The following TNFSF4 variants were observed in gnomAD, a reference collection of about 807,000 sequenced individuals.
The protein encoded by TNFSF4 is tumor necrosis factor ligand superfamily member 4.
Under a neutral mutation model 7.3 loss-of-function variants are expected in TNFSF4, and 4 were observed. That is an observed-to-expected ratio of 0.55 (90% CI 0.27 to 1.25). The LOEUF (loss-of-function observed/expected upper bound fraction) is 1.25, where lower values mean the gene tolerates loss of function less well. Ranked by LOEUF, TNFSF4 falls within the 50% of genes most tolerant of loss-of-function variation. The probability of loss-of-function intolerance (pLI) is 0.12; values close to 1 mark genes in which losing one functional copy is unlikely to be tolerated. For synonymous variants in TNFSF4, 76 were observed against 83.7 expected (o/e 0.91, Z 0.50); for missense variants, 181 against 208.8 (o/e 0.87, Z 0.82).
At chr1:173,327,982 C>G in the TNFSF4 span, among the ~76,000 whole-genome samples, 1 of 152,130 alleles carries the variant, frequency 6.6e-6, no homozygotes, top group East Asian at 1.9e-4. Context: ...AATACCATTT[C>G]ACCCAGCAAT....
the TNFSF4 span, among the ~76,000 whole-genome samples, chr1:173,290,096 T>C: frequency 6.6e-6 from 1 of 152,126 alleles, no homozygotes; most frequent in African/African-American, 2.4e-5. Flanking sequence ...TCAAATTACC[T>C]TAAAACGAAA....
At chr1:173,421,413 G>T in the TNFSF4 span, among the ~76,000 whole-genome samples, 1 of 152,082 alleles carries the variant, frequency 6.6e-6, no homozygotes, top group Non-Finnish European at 1.5e-5. Flanking sequence ...CTGGTAAGCA[G>T]CACTGTGGAG....
chr1:173,295,781 C>T, the TNFSF4 span, among the ~76,000 whole-genome samples: 1 of 151,874 alleles, frequency 6.6e-6, no homozygotes, highest in Non-Finnish European at 1.5e-5. Context: ...GGTCATTGTC[C>T]CCATAAACTT....
At chr1:173,378,661 A>T in the TNFSF4 span, among the ~76,000 whole-genome samples, 4 of 152,296 alleles carry the variant, frequency 2.6e-5, no homozygotes, top group African/African-American at 9.6e-5. Context: ...AAGCAAATGG[A>T]GTGAAATAGC....
chr1:173,318,323 G>A, the TNFSF4 span, among the ~76,000 whole-genome samples: 1 of 152,104 alleles, frequency 6.6e-6, no homozygotes, highest in African/African-American at 2.4e-5. Context: ...AATGCCTGTA[G>A]TAGAGACATA....
the TNFSF4 span, among the ~76,000 whole-genome samples, chr1:173,429,822 G>A: frequency 6.6e-6 from 1 of 152,246 alleles, no homozygotes; most frequent in Non-Finnish European, 1.5e-5. Flanking sequence ...GAGTGAGAAT[G>A]TAATTGCCAA....
the TNFSF4 span, among the ~76,000 whole-genome samples, chr1:173,178,010 T>G: frequency 6.6e-6 from 1 of 152,068 alleles, no homozygotes; most frequent in African/African-American, 2.4e-5. Flanking sequence ...ACCATTAATA[T>G]CATTAGTAAG....
chr1:173,281,725 A>G, the TNFSF4 span, among the ~76,000 whole-genome samples: 12 of 152,320 alleles, frequency 7.9e-5, no homozygotes, highest in Admixed American at 7.2e-4. Context: ...AGAAGGATGG[A>G]GTAATCAAAT....
chr1:173,274,952 T>G, the TNFSF4 span, among the ~76,000 whole-genome samples: 16 of 152,224 alleles, frequency 1.1e-4, no homozygotes, highest in African/African-American at 3.6e-4. Context: ...TAATTGCCTG[T>G]TCACATGCAG....
At chr1:173,188,093 G>A (rs868343132) in intron 2 of TNFSF4, among the ~76,000 whole-genome samples, 4 of 152,168 alleles carry the variant, frequency 2.6e-5, no homozygotes, top group East Asian at 1.9e-4. Context: ...CTCTGGAGTC[G>A]AAGTTTTTAT....
At chr1:173,433,702 C>CA in the TNFSF4 span, among the ~76,000 whole-genome samples, 19 of 150,272 alleles carry the variant, frequency 1.3e-4, no homozygotes, top group Non-Finnish European at 1.9e-4. Context: ...GACTTCGTCT[C>CA]AAAAAAAAAT....
At chr1:173,188,664 T>C in intron 1 of TNFSF4, 95 bp from the exon 2 acceptor site, 2 of 1,028,162 alleles carry the variant, frequency 1.9e-6, no homozygotes, top group South Asian at 1.4e-5. Flanking sequence ...AGAAATGCAG[T>C]AGCCTGTAGA....
chr1:173,371,488 T>C, the TNFSF4 span, among the ~76,000 whole-genome samples: 3 of 152,170 alleles, frequency 2.0e-5, no homozygotes, highest in African/African-American at 7.2e-5. Flanking sequence ...AATGCCTGCC[T>C]AGTCCAAATC....
chr1:173,325,085 C>T, the TNFSF4 span, among the ~76,000 whole-genome samples: 2 of 152,172 alleles, frequency 1.3e-5, no homozygotes, highest in African/African-American at 2.4e-5. Context: ...CACACCACAC[C>T]TATTCCAAAA....
At chr1:173,341,624 ATGT>A in the TNFSF4 span, among the ~76,000 whole-genome samples, 1 of 152,222 alleles carries the variant, frequency 6.6e-6, no homozygotes, top group Admixed American at 6.5e-5. Context: ...CTAGGCCTCA[ATGT>A]TGTCACTTGC....
chr1:173,239,030 T>C, the TNFSF4 span, among the ~76,000 whole-genome samples: 1 of 152,220 alleles, frequency 6.6e-6, no homozygotes, highest in Admixed American at 6.5e-5. Flanking sequence ...TCCCTGAGCC[T>C]GTTATCTCCA....
chr1:173,363,634 T>C, the TNFSF4 span: 5 of 392,872 alleles, frequency 1.3e-5, no homozygotes, highest in African/African-American at 2.1e-5. Flanking sequence ...ATCGGATGGA[T>C]GTACTACATT....
At chr1:173,358,882 G>A in the TNFSF4 span, among the ~76,000 whole-genome samples, 1 of 152,220 alleles carries the variant, frequency 6.6e-6, no homozygotes, top group Non-Finnish European at 1.5e-5. Context: ...TTTAAAGTCA[G>A]ATAGGTCTTA....
At chr1:173,428,718 A>T in the TNFSF4 span, among the ~76,000 whole-genome samples, 3 of 152,354 alleles carry the variant, frequency 2.0e-5, no homozygotes, top group South Asian at 6.2e-4. Context: ...ATGAAATAAC[A>T]TATTGGCTGG....
Sources: gnomAD v4.1 joint callset for allele counts (sites outside exome capture counted in the v4.1 genomes callset) on GRCh38, gnomAD v4.1.1 for gene constraint, MANE v1.5 for transcripts, NCBI Gene and HGNC (gene_info 2026-07-23, HGNC 2026-07-21) for gene names.